Variants in NECAB3 observed in about 807,000 individuals in gnomAD.
The protein encoded by NECAB3 is N-terminal EF-hand calcium-binding protein 3.
NECAB3 carries 38 observed loss-of-function variants against 57.2 expected under a neutral mutation model. The ratio of observed to expected loss-of-function variants is 0.66; its 90% CI spans 0.51 to 0.87. The LOEUF (loss-of-function observed/expected upper bound fraction) is 0.87. Among genes scored for constraint, NECAB3 ranks in the 40% least tolerant of loss-of-function variants. NECAB3 has a pLI of 0.00. For synonymous variants in NECAB3, 223 were observed against 222.6 expected (o/e 1.00, Z -0.02); for missense variants, 474 against 527.5 (o/e 0.90, Z 0.99).
At chr20:33,668,200 T>C (rs1240000074) in intron 5 of NECAB3, 2 of 1,606,130 alleles carry the variant, frequency 1.2e-6, no homozygotes, top group African/African-American at 1.3e-5. Context: ...GTACCAGGAG[T>C]GTGGCTCCAG....
rs1439980865 is a variant in NECAB3 at position 33,667,457 on chromosome 20, C to T, written c.387+1918G>A. 6.3e-6 allele frequency: 9 copies of T among 1,427,792 alleles called. No homozygotes were observed. In the South Asian group the frequency reaches 9.0e-5, roughly 14 times the overall value. The allele number at this position is 1,427,792 out of a possible 1,614,324, so 88.4% of individuals were successfully genotyped here. A position where few individuals can be genotyped will look rare whatever the true frequency, so the allele number is the denominator to read the frequency against. On this transcript the variant is annotated intron_variant, in intron 5 of 11. Transcript: ENST00000246190. ...CCGCCCGCGGGCCGCGAAAGGGTGG[C>T]GGAGCTGCTGTTCGAGACCCTGGCA...
chr20:33,673,545 GT>G (rs1392114909), intron 1 of NECAB3, among the ~76,000 whole-genome samples: 11 of 151,996 alleles, frequency 7.2e-5, no homozygotes, highest in Non-Finnish European at 1.6e-4. Flanking sequence ...TCAGGCCTTG[GT>G]TTTCCTACTT....
In NECAB3 at chr20:33,663,960, G is replaced by A. The variant is rs989724398; in HGVS notation, c.388-3565C>T. The A allele has an allele frequency of 5.1e-6, 6 of 1,168,610 alleles. No homozygotes were observed. The African/African-American group carries it at 6.5e-5, about 13-fold the overall frequency. 72.4% of individuals were successfully genotyped at this position (1,168,610 alleles called of 1,614,324 possible). ...GGCGTCTGGGCGCGGAGTCGGGGTGGGCAAAGCTCAGCCTAGGAGCCGCAG... is the reference window on the plus strand; with the variant it reads ...GGCGTCTGGGCGCGGAGTCGGGGTGAGCAAAGCTCAGCCTAGGAGCCGCAG... On this transcript the variant is annotated intron_variant, in intron 5 of 11. Transcript: ENST00000246190.
At chr20:33,658,059 C>T (rs750543685) in intron 10 of NECAB3, 26 bp from the exon 11 acceptor site, 26 of 1,544,502 alleles carry the variant, frequency 1.7e-5, no homozygotes, top group Non-Finnish European at 2.3e-5. Flanking sequence ...CTACAGTGAC[C>T]TCGCTCTCCC....
At chr20:33,670,527 AGGGGGT>A in intron 3 of NECAB3, 151 bp downstream of exon 3, 1 of 542,500 alleles carries the variant, frequency 1.8e-6, no homozygotes, top group Non-Finnish European at 3.3e-6. Flanking sequence ...GTAGCTGGAG[AGGGGGT>A]AGGCAGGCGG....
intron 1 of NECAB3, among the ~76,000 whole-genome samples, chr20:33,672,762 G>C (rs2017855390): frequency 1.3e-5 from 2 of 152,210 alleles, no homozygotes; most frequent in South Asian, 4.1e-4. Context: ...CACAGTTCCA[G>C]CTTGAGGAAG....
At chr20:33,672,881 G>A (rs1213596707) in intron 1 of NECAB3, among the ~76,000 whole-genome samples, 2 of 152,166 alleles carry the variant, frequency 1.3e-5, no homozygotes, top group African/African-American at 4.8e-5. Flanking sequence ...CCCTCTCTGA[G>A]CTGTTTCCTT....
intron 5 of NECAB3, chr20:33,667,538 C>G (rs775794908): frequency 1.1e-5 from 17 of 1,543,430 alleles, no homozygotes; most frequent in Non-Finnish European, 1.5e-5. Context: ...TCCACCGGCG[C>G]GTTCAGCGGG....
At chr20:33,665,473 A>AAAAC (rs10627344) in intron 5 of NECAB3, 86,272 of 151,610 alleles carry the variant, frequency 0.57, 25,577 homozygotes, top group East Asian at 0.8. Context: ...TCCATCTCAA[A>AAAAC]AAACAAACAA....
intron 5 of NECAB3, chr20:33,667,616 A>G (rs200529290): frequency 1.3e-6 from 2 of 1,595,678 alleles, no homozygotes; most frequent in East Asian, 2.3e-5. Context: ...TCGTGGCACC[A>G]GGCCACCTTC....
At position 33,674,275 on chromosome 20, in the gene NECAB3, G is replaced by T; in HGVS notation, c.78C>A (p.His26Gln). The change falls in exon 1 of 12, where the codon CAC (histidine) becomes CAA (glutamine). Residue 26 changes from histidine to glutamine, a missense_variant. Transcript: ENST00000246190. ...APQPQPQTPR[H>Q]PQLAPDPGPA... Reference sequence around the variant, plus strand: ...GCCCCGGGTCGGGCGCGAGCTGGGGGTGCCGCGGGGTCTGGGGCTGGGGCT... The same window carrying T: ...GCCCCGGGTCGGGCGCGAGCTGGGGTTGCCGCGGGGTCTGGGGCTGGGGCT... 8.1e-7 allele frequency: 1 copy of T among 1,229,150 alleles called. No individual in the cohort carries two copies. The highest frequency in any genetic ancestry group is 1.0e-6 in the Non-Finnish European group (1 of 985,372). 76.1% of individuals were successfully genotyped at this position (1,229,150 alleles called of 1,614,324 possible). A position where few individuals can be genotyped will look rare whatever the true frequency, so the allele number is the denominator to read the frequency against.
intron 1 of NECAB3, among the ~76,000 whole-genome samples, chr20:33,673,650 C>T (rs1265696611): frequency 6.6e-6 from 1 of 151,974 alleles, no homozygotes; most frequent in Non-Finnish European, 1.5e-5. Context: ...GACAGCTTTG[C>T]CTCCCTCTGG....
chr20:33,674,583 C>T (rs746130605), upstream of NECAB3: 23 of 206,904 alleles, frequency 1.1e-4, no homozygotes, highest in Non-Finnish European at 1.6e-4. Flanking sequence ...CCCGAGGGCT[C>T]CGGTCCCGCG....
At chr20:33,663,461 G>A in intron 5 of NECAB3, 1 of 1,499,288 alleles carries the variant, frequency 6.7e-7, no homozygotes, top group Non-Finnish European at 9.0e-7. Flanking sequence ...CAGGAGAAGC[G>A]CGGAGCGGCC....
At chr20:33,666,601 A>T (rs2017658578) in intron 5 of NECAB3, 1 of 152,278 alleles carries the variant, frequency 6.6e-6, no homozygotes, top group Non-Finnish European at 1.5e-5. Context: ...CTTCGCCCTC[A>T]AAGTTCTGCT....
chr20:33,663,573 G>T, intron 5 of NECAB3: 1 of 1,611,272 alleles, frequency 6.2e-7, no homozygotes, highest in Non-Finnish European at 8.5e-7. Context: ...AGCGGCAGCC[G>T]CTGGCCAACG....
chr20:33,674,286 T>G lies in NECAB3; in HGVS notation c.67A>C (p.Thr23Pro), dbSNP rs1294421168. ...GGCGCGAGCTGGGGGTGCCGCGGGG[T>G]CTGGGGCTGGGGCTGGGGCGCGGGC... ...RPPAPQPQPQ[T>P]PRHPQLAPDP... The change falls in exon 1 of 12, where the codon ACC becomes CCC. Residue 23 changes from threonine (T) to proline (P), a missense_variant. By Grantham distance (38) the Thr-to-Pro change is conservative. Transcript: ENST00000246190. 9.0e-6 allele frequency: 11 copies of G among 1,226,982 alleles called. No individual in the cohort carries two copies. Among genetic ancestry groups the G allele is most frequent in the East Asian group, 3.2e-5 (1 of 31,294 alleles). 76.0% of individuals were successfully genotyped at this position (1,226,982 alleles called of 1,614,324 possible). A position where few individuals can be genotyped will look rare whatever the true frequency, so the allele number is the denominator to read the frequency against.
Position 33,667,821 on chromosome 20 carries a change from G to C in NECAB3, c.387+1554C>G, listed in dbSNP as rs779295048. 4 of 1,612,172 alleles carry C rather than the reference G, an allele frequency of 2.5e-6. No individual in the cohort carries two copies. In the South Asian group the frequency reaches 4.4e-5, roughly 18 times the overall value. ...GCCACCATCCGGCCAGTTTCAGCGT[G>C]GGTAACGGGTGCTGCGTCTGCCTCA... On this transcript the variant is annotated intron_variant, in intron 5 of 11. Transcript: ENST00000246190.
chr20:33,662,711 G>T, intron 5 of NECAB3: 1 of 486,636 alleles, frequency 2.1e-6, no homozygotes, highest in East Asian at 3.7e-5. Context: ...AGGCCAAGGT[G>T]GGTGGATAAC....
Sources: allele counts gnomAD v4.1 joint callset (sites outside exome capture counted in the v4.1 genomes callset), GRCh38; gene constraint gnomAD v4.1.1; transcripts MANE v1.5; gene names NCBI Gene and HGNC (gene_info 2026-07-23, HGNC 2026-07-21).